The following AKAP6 variants were observed in gnomAD, a reference collection of about 807,000 sequenced individuals.
The protein encoded by AKAP6 is A-kinase anchor protein 6.
AKAP6 carries 58 observed loss-of-function variants against 188.5 expected under a neutral mutation model. The ratio of observed to expected loss-of-function variants is 0.31; its 90% CI spans 0.25 to 0.38. The LOEUF (loss-of-function observed/expected upper bound fraction) is 0.38, where lower values mean the gene tolerates loss of function less well. Ranked by LOEUF, AKAP6 falls within the 10% of genes least tolerant of loss-of-function variation. AKAP6 has a pLI of 1.00. For synonymous variants in AKAP6, 989 were observed against 998.6 expected, an observed-to-expected ratio of 0.99 and a Z score of 0.18; for missense variants, 2,710 against 2,740.0, an observed-to-expected ratio of 0.99 and a Z score of 0.24.
At chr14:32,725,454 C>T (rs2030823270) in intron 9 of AKAP6, among the ~76,000 whole-genome samples, 1 of 152,188 alleles carries the variant, frequency 6.6e-6, no homozygotes. Context: ...TCATCAGTAA[C>T]TTTTTTTTCT....
chr14:32,792,900 A>T (rs1297948752), intron 12 of AKAP6, among the ~76,000 whole-genome samples: 1 of 152,028 alleles, frequency 6.6e-6, no homozygotes, highest in Non-Finnish European at 1.5e-5. Flanking sequence ...AGAATTTTCA[A>T]CCCAGAATTT....
intron 11 of AKAP6, among the ~76,000 whole-genome samples, chr14:32,737,081 C>A (rs1185710303): frequency 1.3e-5 from 2 of 152,124 alleles, no homozygotes; most frequent in Admixed American, 1.3e-4. Flanking sequence ...CCCATCCTAA[C>A]CTCTACTGCA....
chr14:32,777,964 G>A (rs569927011), intron 12 of AKAP6, among the ~76,000 whole-genome samples: 9 of 152,270 alleles, frequency 5.9e-5, no homozygotes, highest in African/African-American at 1.7e-4. Flanking sequence ...ACTTGAGCCT[G>A]GGAGGTTGTG....
chr14:32,743,874 T>G (rs2031781061), intron 11 of AKAP6, among the ~76,000 whole-genome samples: 1 of 152,144 alleles, frequency 6.6e-6, no homozygotes, highest in Admixed American at 6.5e-5. Flanking sequence ...AACCAGTGAG[T>G]TTTTTACCTT....
At chr14:32,627,841 TC>T (rs1258564317) in intron 7 of AKAP6, among the ~76,000 whole-genome samples, 2 of 152,126 alleles carry the variant, frequency 1.3e-5, no homozygotes, top group Non-Finnish European at 2.9e-5. Flanking sequence ...CATTTTTTTT[TC>T]TTTTTTAGAG....
rs141742844 is a variant in AKAP6 at position 32,753,266 on chromosome 14, T to C, written c.3372+17384T>C. 1.1e-3 allele frequency among the ~76,000 whole-genome samples: 168 copies of C among 152,306 alleles called. 1 individual carries two copies. Among genetic ancestry groups the C allele is most frequent in the African/African-American group, 3.4e-3 (142 of 41,570 alleles). ...TAACAGGTGTGAGGTGATATCTCCTTATTGCTTTAATTTGTATTTCTCTGA... is the reference window on the plus strand; with the variant it reads ...TAACAGGTGTGAGGTGATATCTCCTCATTGCTTTAATTTGTATTTCTCTGA... On this transcript the variant is annotated intron_variant, in intron 11 of 13. Transcript: ENST00000280979.
intron 2 of AKAP6, among the ~76,000 whole-genome samples, chr14:32,464,665 A>G (rs570590533): frequency 1.2e-4 from 19 of 152,324 alleles, no homozygotes; most frequent in African/African-American, 4.3e-4. Context: ...AGCTGGAAAC[A>G]TCCCATTTGA....
At chr14:32,340,668 T>C (rs1886861489) in intron 1 of AKAP6, among the ~76,000 whole-genome samples, 1 of 152,214 alleles carries the variant, frequency 6.6e-6, no homozygotes, top group Admixed American at 6.5e-5. Context: ...CTTAGTTCAT[T>C]TGGAGTGCTA....
chr14:32,657,020 A>T (rs146596381), intron 7 of AKAP6, among the ~76,000 whole-genome samples: 4 of 152,312 alleles, frequency 2.6e-5, no homozygotes, highest in Admixed American at 2.6e-4. Flanking sequence ...ATAGGGGAAG[A>T]ATTTGATAAA....
chr14:32,691,965 A>G (rs984080594), intron 8 of AKAP6, among the ~76,000 whole-genome samples: 1 of 152,236 alleles, frequency 6.6e-6, no homozygotes, highest in African/African-American at 2.4e-5. Context: ...TCAGGCACAA[A>G]TACTTTTAAG....
chr14:32,533,029 T>C (rs998417546), intron 2 of AKAP6, among the ~76,000 whole-genome samples: 1 of 152,242 alleles, frequency 6.6e-6, no homozygotes, highest in South Asian at 2.1e-4. Context: ...GGTGAAGTGA[T>C]AGTGAAGTCC....
intron 2 of AKAP6, among the ~76,000 whole-genome samples, chr14:32,480,948 CA>C (rs563024017): frequency 1.9e-4 from 29 of 152,208 alleles, no homozygotes; most frequent in African/African-American, 6.0e-4. Flanking sequence ...AAGATTGTTA[CA>C]AAAAACATCA....
chr14:32,433,279 C>G, intron 1 of AKAP6, 181 bp from the exon 2 acceptor site: 1 of 525,466 alleles, frequency 1.9e-6, no homozygotes, highest in South Asian at 2.4e-5. Context: ...ATATTATTTC[C>G]TGGCTCTTGG....
intron 7 of AKAP6, among the ~76,000 whole-genome samples, chr14:32,677,690 T>C (rs1889492062): frequency 6.6e-6 from 1 of 152,242 alleles, no homozygotes; most frequent in Non-Finnish European, 1.5e-5. Flanking sequence ...GAAAACAGCA[T>C]GGTGAACTTA....
chr14:32,518,480 C>G (rs1406752719), intron 2 of AKAP6, among the ~76,000 whole-genome samples: 3 of 152,088 alleles, frequency 2.0e-5, no homozygotes, highest in Non-Finnish European at 4.4e-5. Context: ...CTAGAATAAA[C>G]AGCATAGAAA....
intron 11 of AKAP6, among the ~76,000 whole-genome samples, chr14:32,763,979 T>C (rs2139955992): frequency 6.6e-6 from 1 of 152,334 alleles, no homozygotes; most frequent in Admixed American, 6.5e-5. Context: ...GCAACATTTA[T>C]ATGCAAGGTA....
intron 5 of AKAP6, among the ~76,000 whole-genome samples, chr14:32,595,541 C>A (rs1450039932): frequency 1.3e-5 from 2 of 152,064 alleles, no homozygotes; most frequent in Non-Finnish European, 2.9e-5. Context: ...CACAGTCTTG[C>A]TCTATTGCCC....
intron 7 of AKAP6, among the ~76,000 whole-genome samples, chr14:32,661,792 T>G (rs969114870): frequency 6.6e-6 from 1 of 152,130 alleles, no homozygotes; most frequent in Non-Finnish European, 1.5e-5. Context: ...TTGGACAAAG[T>G]AATTTATTTG....
At chr14:32,730,251 A>C (rs933418665) in intron 9 of AKAP6, among the ~76,000 whole-genome samples, 12 of 152,214 alleles carry the variant, frequency 7.9e-5, no homozygotes, top group Non-Finnish European at 1.3e-4. Context: ...CTTTTGTATT[A>C]GAGTTTGAAG....
Sources: allele counts gnomAD v4.1 joint callset (sites outside exome capture counted in the v4.1 genomes callset), GRCh38; gene constraint gnomAD v4.1.1; transcripts MANE v1.5; gene names NCBI Gene and HGNC (gene_info 2026-07-23, HGNC 2026-07-21).